RAP1A: variants seen among roughly 807,000 people sequenced by gnomAD.
The protein encoded by RAP1A is ras-related protein Rap-1A.
In RAP1A, 6 loss-of-function variants were observed where a neutral mutation model predicts 26.4. The observed-to-expected ratio is 0.23, with a 90% confidence interval of 0.12 to 0.45. The LOEUF is 0.45. Among genes scored for constraint, RAP1A ranks in the 20% least tolerant of loss-of-function variants. The probability of loss-of-function intolerance (pLI) is 0.99; values close to 1 mark genes in which losing one functional copy is unlikely to be tolerated. For synonymous variants in RAP1A, 73 were observed against 79.4 expected, an observed-to-expected ratio of 0.92 and a Z score of 0.43; for missense variants, 121 against 217.2, an observed-to-expected ratio of 0.56 and a Z score of 2.78.
chr1:111,556,765 G>A (rs1481968936), intron 1 of RAP1A, among the ~76,000 whole-genome samples: 1 of 152,076 alleles, frequency 6.6e-6, no homozygotes, highest in Non-Finnish European at 1.5e-5. Flanking sequence ...AGTGTTTAAT[G>A]GGTATAAAGC....
chr1:111,574,080 A>G (rs146408950), intron 1 of RAP1A, among the ~76,000 whole-genome samples: 5 of 152,212 alleles, frequency 3.3e-5, no homozygotes, highest in African/African-American at 1.2e-4. Flanking sequence ...CAGAGTTTTT[A>G]TAGTTTTGAG....
intron 1 of RAP1A, among the ~76,000 whole-genome samples, chr1:111,598,089 C>T (rs554012992): frequency 6.6e-6 from 1 of 152,284 alleles, no homozygotes; most frequent in African/African-American, 2.4e-5. Context: ...AGACAAGGCT[C>T]ACAGTGGCCA....
chr1:111,600,605 C>T (rs1239899672), intron 1 of RAP1A, among the ~76,000 whole-genome samples: 1 of 152,118 alleles, frequency 6.6e-6, no homozygotes, highest in Non-Finnish European at 1.5e-5. Context: ...CTTTGAAATT[C>T]CTTGTTAGGA....
chr1:111,663,130 T>C (rs2101162151), intron 1 of RAP1A, among the ~76,000 whole-genome samples: 1 of 152,292 alleles, frequency 6.6e-6, no homozygotes, highest in African/African-American at 2.4e-5. Context: ...GCCAGGATGG[T>C]CTTGATCTCC....
At chr1:111,556,289 C>A (rs56904089) in intron 1 of RAP1A, among the ~76,000 whole-genome samples, 58,241 of 152,006 alleles carry the variant, frequency 0.38, 11,522 homozygotes, top group Non-Finnish European at 0.44. Flanking sequence ...ATTGGTGAGG[C>A]TATAGAGAAA....
At chr1:111,706,640 ACT>A (rs1381318100) in intron 6 of RAP1A, 4 of 888,138 alleles carry the variant, frequency 4.5e-6, no homozygotes, top group Non-Finnish European at 5.4e-6. Flanking sequence ...GGATTGAGAA[ACT>A]CTATTCTGTG....
At chr1:111,709,304 C>A in intron 7 of RAP1A, 40 bp downstream of exon 7, 2 of 1,515,714 alleles carry the variant, frequency 1.3e-6, no homozygotes, top group South Asian at 2.6e-5. Context: ...TTCTCATGCT[C>A]CTATTTTGGC....
At chr1:111,588,700 G>T (rs1658423062) in intron 1 of RAP1A, among the ~76,000 whole-genome samples, 1 of 152,146 alleles carries the variant, frequency 6.6e-6, no homozygotes. Flanking sequence ...TTTTCCCTAG[G>T]AAGCTTTAAC....
At chr1:111,708,518 A>T (rs955317064) in intron 6 of RAP1A, among the ~76,000 whole-genome samples, 1 of 152,242 alleles carries the variant, frequency 6.6e-6, no homozygotes, top group African/African-American at 2.4e-5. Context: ...AATAAACTGC[A>T]ATGTGTGATC....
At chr1:111,568,987 T>C (rs2101054181) in intron 1 of RAP1A, among the ~76,000 whole-genome samples, 1 of 152,286 alleles carries the variant, frequency 6.6e-6, no homozygotes, top group African/African-American at 2.4e-5. Context: ...ATACAATATA[T>C]AATACATATA....
In RAP1A at chr1:111,566,695, G is replaced by A. The variant is rs72981088; in HGVS notation, c.-28+24186G>A. 2.6e-3 allele frequency among the ~76,000 whole-genome samples: 390 copies of A among 152,154 alleles called. 1 individual carries two copies. The highest frequency in any genetic ancestry group is 8.8e-3 in the African/African-American group (365 of 41,434). ...TGATCAGATGATGGTTAAGTGACAA[G>A]ATTATATCTCTCAAAAATAATCTCA... On this transcript the variant is annotated intron_variant, in intron 1 of 7. Coordinates refer to the RAP1A transcript ENST00000356415.
chr1:111,562,065 C>A (rs1486764686), intron 1 of RAP1A, among the ~76,000 whole-genome samples: 1 of 152,176 alleles, frequency 6.6e-6, no homozygotes, highest in Non-Finnish European at 1.5e-5. Flanking sequence ...ACAGCCACCC[C>A]ACCCTGTGAT....
chr1:111,641,018 A>G (rs1324889), intron 1 of RAP1A, among the ~76,000 whole-genome samples: 90,040 of 152,040 alleles, frequency 0.59, 26,799 homozygotes, highest in Middle Eastern at 0.67. Flanking sequence ...AAAGGAATAC[A>G]AGTAATGCCC....
intron 1 of RAP1A, among the ~76,000 whole-genome samples, chr1:111,665,829 C>T (rs1013711213): frequency 1.3e-5 from 2 of 152,098 alleles, no homozygotes; most frequent in African/African-American, 4.8e-5. Flanking sequence ...CAGTATTAAA[C>T]ATTTAGGAGG....
intron 4 of RAP1A, among the ~76,000 whole-genome samples, chr1:111,697,932 C>A (rs2101267752): frequency 6.6e-6 from 1 of 152,200 alleles, no homozygotes; most frequent in African/African-American, 2.4e-5. Flanking sequence ...AGGCAAAAAT[C>A]TTCCTCAGAA....
At chr1:111,563,875 C>T (rs1657844541) in intron 1 of RAP1A, 2 of 1,613,462 alleles carry the variant, frequency 1.2e-6, no homozygotes, top group African/African-American at 2.7e-5. Flanking sequence ...AGCCCAGTGT[C>T]CAGTCTGGCT....
At position 111,676,112 on chromosome 1, in the gene RAP1A, T is replaced by C. The variant is rs192839060; in HGVS notation, c.-27-15222T>C. ...TGGCTCACGCCTGTAATCTCAGCAC[T>C]TTGGGAGGCTGAGGACAGGCGGATC... On this transcript the variant is annotated intron_variant, in intron 1 of 7. Transcript: ENST00000369709. 2.7e-3 allele frequency among the ~76,000 whole-genome samples: 405 copies of C among 152,232 alleles called. 2 individuals carry two copies. The highest frequency in any genetic ancestry group is 8.8e-3 in the African/African-American group (366 of 41,526).
intron 1 of RAP1A, among the ~76,000 whole-genome samples, chr1:111,654,897 C>T (rs901257136): frequency 3.3e-5 from 5 of 151,198 alleles, no homozygotes; most frequent in South Asian, 4.2e-4. Context: ...TGGCTGAATG[C>T]GGTGGCTCAC....
intron 1 of RAP1A, among the ~76,000 whole-genome samples, chr1:111,640,216 G>A (rs1237208262): frequency 1.3e-5 from 2 of 152,144 alleles, no homozygotes; most frequent in African/African-American, 4.8e-5. Context: ...TCATTTAACT[G>A]AATAGTCCAT....
Sources: allele counts gnomAD v4.1 joint callset (sites outside exome capture counted in the v4.1 genomes callset), GRCh38; gene constraint gnomAD v4.1.1; transcripts MANE v1.5; gene names NCBI Gene and HGNC (gene_info 2026-07-23, HGNC 2026-07-21).